Variants in JAKMIP2 observed in about 807,000 individuals in gnomAD.
JAKMIP2 encodes the protein janus kinase and microtubule interacting protein 2.
In JAKMIP2, 25 loss-of-function variants were observed where a neutral mutation model predicts 115.0. That is an observed-to-expected ratio of 0.22 (90% CI 0.16 to 0.30). The LOEUF is 0.30. Among genes scored for constraint, JAKMIP2 ranks in the 10% least tolerant of loss-of-function variants. The pLI is 1.00. For synonymous variants in JAKMIP2, 334 were observed against 343.6 expected (o/e 0.97, Z 0.31); for missense variants, 642 against 957.6 (o/e 0.67, Z 4.35).
intron 1 of JAKMIP2, among the ~76,000 whole-genome samples, chr5:147,681,469 C>A (rs1760273688): frequency 1.3e-5 from 2 of 152,168 alleles, no homozygotes; most frequent in Non-Finnish European, 2.9e-5. Context: ...CTTCACCATA[C>A]CCCGGGTGGA....
At chr5:147,779,589 A>T (rs76280872) in intron 1 of JAKMIP2, among the ~76,000 whole-genome samples, 2,644 of 152,228 alleles carry the variant, frequency 0.017, 95 homozygotes, top group African/African-American at 0.061. Flanking sequence ...ATGAACAGGT[A>T]AATGTTCAGT....
At position 147,631,425 on chromosome 5, in the gene JAKMIP2, T is replaced by C. The variant is rs1757343357; in HGVS notation, c.1863A>G (p.Lys621=). The stretch of plus-strand genomic sequence containing the variant: ...AATATCTGCCTACCTTAACACCTTC[T>C]TTCATACAGTAGATCTGTAGAGCAC... ...GVSALQIYCM[K]EGVKDVNIPD... is the part of the protein sequence containing the mutation. Residue 621 remains lysine, a synonymous_variant, in exon 14 of 22, where the codon AAA becomes AAG. Coordinates refer to ENST00000616793, the MANE Select transcript of JAKMIP2 (RefSeq NM_001270941.2). 1 of 1,599,368 alleles carries C rather than the reference T, an allele frequency of 6.3e-7. No individual in the cohort carries two copies. The highest frequency in any genetic ancestry group is 1.3e-5 in the African/African-American group (1 of 74,386).
intron 1 of JAKMIP2, among the ~76,000 whole-genome samples, chr5:147,770,258 T>A (rs939568080): frequency 6.6e-6 from 1 of 152,140 alleles, no homozygotes. Flanking sequence ...ATCATATATA[T>A]GTGATCCATA....
chr5:147,720,582 A>G (rs1753229400), intron 1 of JAKMIP2, among the ~76,000 whole-genome samples: 3 of 151,336 alleles, frequency 2.0e-5, no homozygotes, highest in Admixed American at 6.6e-5. Context: ...TTCCCTTCTC[A>G]CTTCATTTCA....
intron 16 of JAKMIP2, among the ~76,000 whole-genome samples, chr5:147,625,736 T>C (rs555380506): frequency 6.6e-6 from 1 of 152,322 alleles, no homozygotes; most frequent in Middle Eastern, 3.4e-3. Flanking sequence ...CTCAGTTTCC[T>C]CATGTATAAA....
intron 1 of JAKMIP2, among the ~76,000 whole-genome samples, chr5:147,721,602 A>T (rs1753298903): frequency 6.6e-6 from 1 of 151,682 alleles, no homozygotes; most frequent in African/African-American, 2.4e-5. Context: ...GGTGGGAGTG[A>T]CCCGATTTTC....
At chr5:147,660,398 A>C in intron 3 of JAKMIP2, 1 of 435,328 alleles carries the variant, frequency 2.3e-6, no homozygotes, top group South Asian at 1.6e-5. Context: ...TACTTTGGGA[A>C]AAATATCTAT....
At chr5:147,739,349 G>T (rs141803385) in intron 1 of JAKMIP2, among the ~76,000 whole-genome samples, 28 of 152,248 alleles carry the variant, frequency 1.8e-4, no homozygotes, top group Admixed American at 3.3e-4. Context: ...ACACATTTAT[G>T]CCACAGGAGG....
rs964242677 is a variant in JAKMIP2 at position 147,589,503 on chromosome 5, G to A, written c.*2204C>T. The A allele has an allele frequency of 6.6e-6, 1 of 151,362 alleles. No individual in the cohort carries two copies. Among genetic ancestry groups the A allele is most frequent in the African/African-American group, 2.4e-5 (1 of 41,206 alleles). 9.4% of individuals were successfully genotyped at this position (151,362 alleles called of 1,614,324 possible). ...TAGTCTGTTTTGTATCTTCCCAGTA[G>A]GGCATACCACCTGGCTTTCCTCCAG... is the stretch of plus-strand genomic sequence containing the variant. On this transcript the variant is annotated 3_prime_UTR_variant, in exon 22 of 22. Transcript: ENST00000616793.
intron 3 of JAKMIP2, chr5:147,660,581 A>G (rs1758906554): frequency 2.6e-6 from 1 of 389,472 alleles, no homozygotes; most frequent in Non-Finnish European, 5.1e-6. Context: ...CCACAAAAAC[A>G]TGCTGACTTT....
chr5:147,619,442 A>T (rs559109278), intron 18 of JAKMIP2, among the ~76,000 whole-genome samples: 1 of 152,278 alleles, frequency 6.6e-6, no homozygotes, highest in East Asian at 1.9e-4. Context: ...GAATGCAAAG[A>T]CAAGTTCATC....
At chr5:147,764,948 G>GAAAAGAA in intron 1 of JAKMIP2, among the ~76,000 whole-genome samples, 1 of 56,566 alleles carries the variant, frequency 1.8e-5, no homozygotes, top group East Asian at 7.4e-4. Context: ...GAGAGAGAGG[G>GAAAAGAA]AGAGAGAGAG....
chr5:147,715,353 T>C (rs988624951), intron 1 of JAKMIP2, among the ~76,000 whole-genome samples: 2 of 151,700 alleles, frequency 1.3e-5, no homozygotes, highest in African/African-American at 4.8e-5. Context: ...AATTAAAAGA[T>C]AGAAATTGGC....
chr5:147,624,470 A>C (rs920694819), intron 16 of JAKMIP2, among the ~76,000 whole-genome samples: 1 of 152,220 alleles, frequency 6.6e-6, no homozygotes, highest in Non-Finnish European at 1.5e-5. Flanking sequence ...GGTACACTGG[A>C]GAATTGGGAC....
chr5:147,693,209 T>C (rs1239150219), intron 1 of JAKMIP2, among the ~76,000 whole-genome samples: 1 of 152,200 alleles, frequency 6.6e-6, no homozygotes, highest in Non-Finnish European at 1.5e-5. Flanking sequence ...AAAGGCCAGC[T>C]CTTATCTCTT....
rs1757857663 is a variant in JAKMIP2, at chr5:147,640,990, G to A, written c.1282-167C>T. On this transcript the variant is annotated intron_variant, in intron 8 of 21. Coordinates refer to ENST00000616793, the MANE Select transcript of JAKMIP2 (RefSeq NM_001270941.2). ...AGGCATGAGCATAATTCCAATAAGT[G>A]TTTCTCTCATATTATTTCACTTCTG... is the stretch of plus-strand genomic sequence containing the variant. 1.3e-5 allele frequency among the ~76,000 whole-genome samples: 2 copies of A among 152,152 alleles called. 1 individual carries two copies. The highest frequency in any genetic ancestry group is 4.2e-4 in the South Asian group (2 of 4,814).
intron 1 of JAKMIP2, 93 bp from the exon 2 acceptor site, chr5:147,672,047 C>G: frequency 1.1e-6 from 1 of 908,310 alleles, no homozygotes; most frequent in Non-Finnish European, 1.4e-6. Context: ...CCTGTAAGAG[C>G]CTCCTCCTGA....
intron 1 of JAKMIP2, among the ~76,000 whole-genome samples, chr5:147,704,142 T>C (rs981992226): frequency 2.0e-5 from 3 of 152,140 alleles, no homozygotes; most frequent in Admixed American, 1.3e-4. Context: ...AACTTTTATA[T>C]TTAAGTGGAA....
intron 9 of JAKMIP2, 151 bp from the exon 10 acceptor site, chr5:147,639,911 A>G: frequency 1.3e-6 from 1 of 743,052 alleles, no homozygotes; most frequent in African/African-American, 1.8e-5. Context: ...AAGTGTATAT[A>G]CGGGCACAAA....
Sources: allele counts gnomAD v4.1 joint callset (sites outside exome capture counted in the v4.1 genomes callset), GRCh38; gene constraint gnomAD v4.1.1; transcripts MANE v1.5; gene names NCBI Gene and HGNC (gene_info 2026-07-23, HGNC 2026-07-21).